PTPRD: variants seen among roughly 807,000 people sequenced by gnomAD.
PTPRD encodes the protein receptor-type tyrosine-protein phosphatase delta.
A neutral mutation model predicts 214.5 loss-of-function variants in PTPRD; 34 were observed. That is an observed-to-expected ratio of 0.16 (90% confidence interval 0.12 to 0.21). The LOEUF is 0.21. Ranked by LOEUF, PTPRD falls within the 10% of genes least tolerant of loss-of-function variation. PTPRD has a pLI of 1.00. For synonymous variants in PTPRD, 1,128 were observed against 845.7 expected (o/e 1.33, Z -5.79); for missense variants, 2,545 against 2,398.7 (o/e 1.06, Z -1.27).
At chr9:8,457,111 G>C (rs1289576446) in intron 33 of PTPRD, among the ~76,000 whole-genome samples, 1 of 152,110 alleles carries the variant, frequency 6.6e-6, no homozygotes, top group Non-Finnish European at 1.5e-5. Context: ...AATGTTTTCA[G>C]ATTATAGCGC....
intron 14 of PTPRD, among the ~76,000 whole-genome samples, chr9:8,575,464 C>A (rs2092189161): frequency 6.6e-6 from 1 of 152,078 alleles, no homozygotes; most frequent in African/African-American, 2.4e-5. Context: ...GAACTCTTTG[C>A]CTGTTGCTGT....
At chr9:9,742,620 C>A (rs979587050) in intron 6 of PTPRD, among the ~76,000 whole-genome samples, 1 of 151,642 alleles carries the variant, frequency 6.6e-6, no homozygotes, top group African/African-American at 2.4e-5. Context: ...AGAGCCTGAG[C>A]CATATTCTTT....
intron 11 of PTPRD, among the ~76,000 whole-genome samples, chr9:8,974,930 G>A (rs12339411): frequency 3.3e-5 from 5 of 150,916 alleles, no homozygotes; most frequent in African/African-American, 9.7e-5. Flanking sequence ...AACCCCGTCT[G>A]TACTAAAAAT....
At chr9:8,982,700 T>C (rs974209455) in intron 11 of PTPRD, among the ~76,000 whole-genome samples, 2 of 152,058 alleles carry the variant, frequency 1.3e-5, no homozygotes, top group Non-Finnish European at 2.9e-5. Context: ...CATTCCTATC[T>C]GCAAGTTCAC....
At chr9:10,477,775 A>G (rs920100855) in intron 2 of PTPRD, among the ~76,000 whole-genome samples, 2 of 152,194 alleles carry the variant, frequency 1.3e-5, no homozygotes, top group African/African-American at 2.4e-5. Flanking sequence ...TGTGACACAT[A>G]TATACCATGG....
chr9:9,912,768 C>G (rs989625630), intron 5 of PTPRD, among the ~76,000 whole-genome samples: 4 of 152,118 alleles, frequency 2.6e-5, no homozygotes, highest in African/African-American at 7.2e-5. Flanking sequence ...CCTAGACTAT[C>G]CAGATGTAAA....
intron 11 of PTPRD, among the ~76,000 whole-genome samples, chr9:8,829,073 CTAA>C (rs1364699406): frequency 4.6e-5 from 7 of 152,160 alleles, no homozygotes; most frequent in East Asian, 1.9e-4. Context: ...ATAATCACTA[CTAA>C]TGTTTCCTTA....
intron 11 of PTPRD, among the ~76,000 whole-genome samples, chr9:8,922,791 C>T (rs1161694593): frequency 4.0e-5 from 6 of 151,698 alleles, no homozygotes; most frequent in East Asian, 3.9e-4. Flanking sequence ...GGACTACAGG[C>T]GTGTGCCATC....
intron 11 of PTPRD, among the ~76,000 whole-genome samples, chr9:8,832,201 A>G (rs1222934280): frequency 4.6e-5 from 7 of 151,908 alleles, no homozygotes; most frequent in African/African-American, 1.7e-4. Context: ...ATCCTGCAAT[A>G]AAAACGTTAT....
chr9:9,222,351 G>A (rs553102512), intron 9 of PTPRD, among the ~76,000 whole-genome samples: 228 of 151,946 alleles, frequency 1.5e-3, no homozygotes, highest in Non-Finnish European at 3.0e-3. Flanking sequence ...GTTTAAAAAT[G>A]GCATTATTTT....
chr9:9,013,007 A>T (rs936636185), intron 11 of PTPRD, among the ~76,000 whole-genome samples: 1 of 152,176 alleles, frequency 6.6e-6, no homozygotes, highest in Non-Finnish European at 1.5e-5. Flanking sequence ...AAATAAACAC[A>T]ACAGATGACA....
chr9:9,453,391 A>T (rs1365957193), intron 8 of PTPRD, among the ~76,000 whole-genome samples: 1 of 151,692 alleles, frequency 6.6e-6, no homozygotes, highest in Non-Finnish European at 1.5e-5. Flanking sequence ...AGGCAACATA[A>T]TATCATAATA....
At chr9:8,343,930 G>C (rs1199903168) in intron 39 of PTPRD, among the ~76,000 whole-genome samples, 2 of 151,996 alleles carry the variant, frequency 1.3e-5, no homozygotes, top group Non-Finnish European at 2.9e-5. Context: ...ACAAGGGTTT[G>C]GAATTATGTA....
intron 8 of PTPRD, among the ~76,000 whole-genome samples, chr9:9,533,644 T>C (rs1330786469): frequency 6.6e-6 from 1 of 152,110 alleles, no homozygotes; most frequent in African/African-American, 2.4e-5. Context: ...ACACTTAATT[T>C]CATATAATAA....
chr9:8,849,171 A>ATTTTTTTT (rs746565485), intron 11 of PTPRD, among the ~76,000 whole-genome samples: 5 of 108,734 alleles, frequency 4.6e-5, no homozygotes, highest in Non-Finnish European at 5.5e-5. Flanking sequence ...TCAAAAAAAA[A>ATTTTTTTT]TTTTTTTTTT....
chr9:9,959,359 G>C (rs1237032302), intron 4 of PTPRD, among the ~76,000 whole-genome samples: 2 of 152,066 alleles, frequency 1.3e-5, no homozygotes, highest in African/African-American at 4.8e-5. Flanking sequence ...GGGGTAAATA[G>C]GTAAAGCACA....
In PTPRD at chr9:8,565,820, T is replaced by C. The variant is rs1420038233; in HGVS notation, c.353-37041A>G. Among the ~76,000 whole-genome samples, 16 of 152,336 alleles carry C rather than the reference T, an allele frequency of 1.1e-4. No individual in the cohort carries two copies. The East Asian group carries it at 2.9e-3, about 28-fold the overall frequency. On this transcript the variant is annotated intron_variant, in intron 14 of 45. Transcript: ENST00000381196. Reference sequence around the variant, plus strand: ...TGGGGTAAGTTATTCATCAAAGTTTTATCATTAATAGCATTAATAGCAAAA... The same window carrying C: ...TGGGGTAAGTTATTCATCAAAGTTTCATCATTAATAGCATTAATAGCAAAA...
At chr9:8,412,989 G>C (rs759487250) in intron 35 of PTPRD, among the ~76,000 whole-genome samples, 2 of 152,146 alleles carry the variant, frequency 1.3e-5, no homozygotes, top group Non-Finnish European at 2.9e-5. Flanking sequence ...CACAATTGTT[G>C]TGCGACTGAT....
At chr9:9,792,296 CTG>C in intron 5 of PTPRD, among the ~76,000 whole-genome samples, 1 of 152,240 alleles carries the variant, frequency 6.6e-6, no homozygotes, top group South Asian at 2.1e-4. Flanking sequence ...GCCAATTTAA[CTG>C]TCTTATTTCA....
Sources: allele counts gnomAD v4.1 joint callset (sites outside exome capture counted in the v4.1 genomes callset), GRCh38; gene constraint gnomAD v4.1.1; transcripts MANE v1.5; gene names NCBI Gene and HGNC (gene_info 2026-07-23, HGNC 2026-07-21).